Variants in NCAM2 observed in about 807,000 individuals in gnomAD.
NCAM2 encodes neural cell adhesion molecule 2, also known as N-CAM-2.
NCAM2 carries 30 observed loss-of-function variants against 98.1 expected under a neutral mutation model. The ratio of observed to expected loss-of-function variants is 0.31; its 90% CI spans 0.23 to 0.41. The LOEUF (loss-of-function observed/expected upper bound fraction) is 0.41. Among genes scored for constraint, NCAM2 ranks in the 10% least tolerant of loss-of-function variants. The probability of loss-of-function intolerance (pLI) is 1.00; values close to 1 mark genes in which losing one functional copy is unlikely to be tolerated. For missense variants in NCAM2, 867 were observed against 1,005.8 expected (o/e 0.86, Z 1.87); for synonymous variants, 368 against 342.4 (o/e 1.07, Z -0.83).
At chr21:21,335,425 C>A in intron 6 of NCAM2, 80 bp from the exon 7 acceptor site, 2 of 1,230,428 alleles carry the variant, frequency 1.6e-6, no homozygotes, top group South Asian at 1.8e-5. Flanking sequence ...TCATCAATGC[C>A]TATAGATTAA....
intron 1 of NCAM2, among the ~76,000 whole-genome samples, chr21:21,014,162 TAA>T (rs2064262468): frequency 6.6e-6 from 1 of 152,038 alleles, no homozygotes; most frequent in Non-Finnish European, 1.5e-5. Context: ...AGAATTACGC[TAA>T]GTCGTAATCC....
chr21:21,017,170 A>C lies in NCAM2; in HGVS notation c.55+18552A>C, dbSNP rs1310095232. 2.7e-5 allele frequency among the ~76,000 whole-genome samples: 4 copies of C among 150,410 alleles called. No individual in the cohort carries two copies. In the East Asian group the frequency reaches 7.9e-4, roughly 30 times the overall value. The stretch of plus-strand genomic sequence containing the variant: ...GCTGGGTGCCATGGCTCACGCCTAT[A>C]ATCCCAGCACTTTGGGAAGCCGAGG... On this transcript the variant is annotated intron_variant, in intron 1 of 17. Coordinates refer to ENST00000400546, the MANE Select transcript of NCAM2 (RefSeq NM_004540.5).
chr21:21,431,369 C>T lies in NCAM2; in HGVS notation c.1481-739C>T, dbSNP rs190702222. 2.1e-3 allele frequency among the ~76,000 whole-genome samples: 310 copies of T among 149,488 alleles called. 3 individuals carry two copies. Among genetic ancestry groups the T allele is most frequent in the African/African-American group, 7.2e-3 (294 of 40,762 alleles). ...TGCTCTGCCTTTGAGATAATTCTTC[C>T]GAAATAATTTTTTATATTAGACACT... On this transcript the variant is annotated intron_variant, in intron 11 of 17. Transcript: ENST00000400546.
intron 1 of NCAM2, among the ~76,000 whole-genome samples, chr21:21,089,054 A>G (rs995183824): frequency 6.8e-6 from 1 of 148,094 alleles, no homozygotes; most frequent in African/African-American, 2.5e-5. Flanking sequence ...TTTGGTATTT[A>G]GCTAAATTAT....
intron 5 of NCAM2, among the ~76,000 whole-genome samples, chr21:21,295,793 C>G (rs1218695525): frequency 6.6e-6 from 1 of 151,324 alleles, no homozygotes; most frequent in Non-Finnish European, 1.5e-5. Context: ...CATACACACA[C>G]ACACAAAAAC....
intron 1 of NCAM2, among the ~76,000 whole-genome samples, chr21:21,176,692 T>A (rs541663946): frequency 5.9e-5 from 9 of 152,122 alleles, no homozygotes; most frequent in Admixed American, 5.9e-4. Flanking sequence ...TGAATTTTGT[T>A]TTCCATCAGG....
At chr21:21,421,737 G>A (rs181828192) in intron 11 of NCAM2, among the ~76,000 whole-genome samples, 38 of 152,030 alleles carry the variant, frequency 2.5e-4, no homozygotes, top group African/African-American at 9.2e-4. Context: ...GATTTCATTG[G>A]CCTATTTGCC....
intron 8 of NCAM2, among the ~76,000 whole-genome samples, chr21:21,366,804 C>T (rs114774835): frequency 0.015 from 2,214 of 152,138 alleles, 52 homozygotes; most frequent in African/African-American, 0.051. Flanking sequence ...CAATACTTTT[C>T]CCTTCCAATT....
chr21:21,279,090 A>C (rs926471760), intron 1 of NCAM2, among the ~76,000 whole-genome samples: 3 of 151,924 alleles, frequency 2.0e-5, no homozygotes, highest in African/African-American at 7.3e-5. Flanking sequence ...GGTTTTTGTG[A>C]TTGCTTTTGC....
intron 8 of NCAM2, among the ~76,000 whole-genome samples, chr21:21,344,454 C>T (rs2075133200): frequency 1.3e-5 from 2 of 152,224 alleles, no homozygotes; most frequent in African/African-American, 4.8e-5. Flanking sequence ...AACTTAAGAG[C>T]ACCTCAGCCT....
intron 5 of NCAM2, among the ~76,000 whole-genome samples, chr21:21,299,364 G>A (rs930528495): frequency 2.7e-5 from 4 of 150,882 alleles, no homozygotes; most frequent in Non-Finnish European, 5.9e-5. Flanking sequence ...TTCGGAGAAT[G>A]TCTGTTTCTG....
chr21:21,400,413 C>T (rs2076602969), intron 9 of NCAM2, among the ~76,000 whole-genome samples: 1 of 152,118 alleles, frequency 6.6e-6, no homozygotes. Context: ...ATCTTGTTTG[C>T]AGTATTCCTT....
Position 21,272,765 on chromosome 21 carries a change from C to G in NCAM2, c.56-7813C>G, listed in dbSNP as rs2072566261. Reference sequence around the variant, plus strand: ...TCTGGCAAATAGGCTCAGTGGATAACAATTACATTACTGAAGATGAGGATT... The same window carrying G: ...TCTGGCAAATAGGCTCAGTGGATAAGAATTACATTACTGAAGATGAGGATT... On this transcript the variant is annotated intron_variant, in intron 1 of 17. Transcript: ENST00000400546. 1.3e-5 allele frequency among the ~76,000 whole-genome samples: 2 copies of G among 152,036 alleles called. 1 individual carries two copies. Among genetic ancestry groups the G allele is most frequent in the South Asian group, 4.1e-4 (2 of 4,820 alleles).
At chr21:21,008,821 CT>C (rs2064155291) in intron 1 of NCAM2, among the ~76,000 whole-genome samples, 1 of 152,128 alleles carries the variant, frequency 6.6e-6, no homozygotes, top group Admixed American at 6.6e-5. Flanking sequence ...ACTGTTAATA[CT>C]TTTGCCTTGT....
intron 1 of NCAM2, among the ~76,000 whole-genome samples, chr21:21,030,255 A>G (rs923877525): frequency 2.0e-5 from 3 of 152,202 alleles, no homozygotes; most frequent in Non-Finnish European, 4.4e-5. Flanking sequence ...AGATGATGAA[A>G]GCAATTCTCA....
At chr21:21,358,349 A>G (rs759426643) in intron 8 of NCAM2, among the ~76,000 whole-genome samples, 5 of 152,018 alleles carry the variant, frequency 3.3e-5, no homozygotes, top group Non-Finnish European at 7.4e-5. Flanking sequence ...AGATCTTTTG[A>G]TACACTAACT....
In NCAM2 at chr21:21,295,835, TTC is replaced by T. The variant is rs374173343; in HGVS notation, c.619+3614_619+3615del. ...ATGCAAAACTAGTGCTTTTGTCTGT[TTC>T]TCTCTCTCTCTCTCTCTCTGTCTTT... On this transcript the variant is annotated intron_variant, in intron 5 of 17. Transcript: ENST00000400546. Among the ~76,000 whole-genome samples, 771 of 111,852 alleles carry T rather than the reference TTC, an allele frequency of 6.9e-3. 6 individuals are homozygous for T. Among genetic ancestry groups the T allele is most frequent in the African/African-American group, 0.022 (559 of 25,636 alleles). The allele number at this position is 111,852 out of a possible 152,430, so 73.4% of individuals were successfully genotyped here. A position where few individuals can be genotyped will look rare whatever the true frequency, so the allele number is the denominator to read the frequency against.
chr21:21,113,073 A>G (rs1222434091), intron 1 of NCAM2, among the ~76,000 whole-genome samples: 1 of 152,196 alleles, frequency 6.6e-6, no homozygotes, highest in African/African-American at 2.4e-5. Flanking sequence ...TTTAAGACAT[A>G]TACCAGTGGT....
intron 1 of NCAM2, among the ~76,000 whole-genome samples, chr21:21,079,766 T>G (rs2065753907): frequency 6.6e-6 from 1 of 152,198 alleles, no homozygotes; most frequent in Admixed American, 6.5e-5. Flanking sequence ...TTCCCATCTC[T>G]ATGACATTAA....
Sources: gnomAD v4.1 joint callset for allele counts (sites outside exome capture counted in the v4.1 genomes callset) on GRCh38, gnomAD v4.1.1 for gene constraint, MANE v1.5 for transcripts, NCBI Gene and HGNC (gene_info 2026-07-23, HGNC 2026-07-21) for gene names.